Variants in KIF16B observed in about 807,000 individuals in gnomAD.
KIF16B encodes kinesin-like protein KIF16B.
In KIF16B, 98 loss-of-function variants were observed where a neutral mutation model predicts 156.3. That is an observed-to-expected ratio of 0.63 (90% CI 0.53 to 0.74). The LOEUF is 0.74. Among genes scored for constraint, KIF16B ranks in the 30% least tolerant of loss-of-function variants. KIF16B has a pLI of 0.00. For missense variants in KIF16B, 1,421 were observed against 1,606.5 expected (o/e 0.88, Z 1.97); for synonymous variants, 564 against 583.7 (o/e 0.97, Z 0.49).
intron 1 of KIF16B, among the ~76,000 whole-genome samples, chr20:16,550,458 G>T (rs1374005431): frequency 6.6e-6 from 1 of 151,106 alleles, no homozygotes; most frequent in African/African-American, 2.4e-5. Context: ...CAGGGATCTA[G>T]ATCTAGAACT....
At chr20:16,307,829 A>G (rs952205654) in intron 25 of KIF16B, among the ~76,000 whole-genome samples, 6 of 152,182 alleles carry the variant, frequency 3.9e-5, no homozygotes, top group African/African-American at 1.4e-4. Flanking sequence ...CATATGGTTC[A>G]GCTTCAGATG....
At chr20:16,282,899 C>T (rs956717044) in intron 25 of KIF16B, among the ~76,000 whole-genome samples, 1 of 152,164 alleles carries the variant, frequency 6.6e-6, no homozygotes, top group South Asian at 2.1e-4. Context: ...TCAAATGATG[C>T]TTATGATGCC....
At chr20:16,540,383 C>T (rs943941302) in intron 1 of KIF16B, among the ~76,000 whole-genome samples, 9 of 152,116 alleles carry the variant, frequency 5.9e-5, no homozygotes, top group African/African-American at 1.4e-4. Context: ...TTTGATATTC[C>T]TTCTACAGTT....
chr20:16,548,644 A>C (rs538403743), intron 1 of KIF16B, among the ~76,000 whole-genome samples: 1 of 152,340 alleles, frequency 6.6e-6, no homozygotes, highest in East Asian at 1.9e-4. Flanking sequence ...GAGTGGGCAC[A>C]TTGCAAAACC....
intron 12 of KIF16B, among the ~76,000 whole-genome samples, chr20:16,432,985 AG>A (rs1418409747): frequency 6.6e-6 from 1 of 152,206 alleles, no homozygotes; most frequent in Non-Finnish European, 1.5e-5. Flanking sequence ...GATTTACTAT[AG>A]CAAGGAATAT....
intron 12 of KIF16B, among the ~76,000 whole-genome samples, chr20:16,440,539 A>G (rs112411421): frequency 0.11 from 1,890 of 17,742 alleles, 55 homozygotes; most frequent in African/African-American, 0.32. Context: ...GCGCGCACAC[A>G]CACACACACA....
At chr20:16,361,712 C>A (rs778944481) in intron 22 of KIF16B, among the ~76,000 whole-genome samples, 1 of 152,192 alleles carries the variant, frequency 6.6e-6, no homozygotes, top group Admixed American at 6.5e-5. Context: ...CAGAAGATGG[C>A]AAACTGTTGG....
At chr20:16,527,142 A>G (rs1428988217) in intron 2 of KIF16B, among the ~76,000 whole-genome samples, 1 of 152,230 alleles carries the variant, frequency 6.6e-6, no homozygotes, top group Non-Finnish European at 1.5e-5. Flanking sequence ...ACAACTGGGT[A>G]GAAACATGAG....
In KIF16B at chr20:16,379,653, C is replaced by T. The variant is rs2065041185; in HGVS notation, c.2349G>A (p.Glu783=). 1.2e-6 allele frequency: 2 copies of T among 1,614,134 alleles called. No homozygotes were observed. Among genetic ancestry groups the T allele is most frequent in the Non-Finnish European group, 1.7e-6 (2 of 1,180,032 alleles). Residue 783 remains glutamate, a synonymous_variant, in exon 19 of 26, where the codon GAG becomes GAA. Coordinates refer to ENST00000354981, the MANE Select transcript of KIF16B (RefSeq NM_024704.5). ...QEMIQLLRRG[E]VQWVEEEKRD... is the part of the protein sequence containing the mutation. ...TCTTCTCCTCTTCCACCCACTGTACCTCCCCACGCCGCAGGAGCTGGATCA... is the reference window on the plus strand; with the variant it reads ...TCTTCTCCTCTTCCACCCACTGTACTTCCCCACGCCGCAGGAGCTGGATCA...
chr20:16,443,440 T>C (rs1373506006), intron 12 of KIF16B, among the ~76,000 whole-genome samples: 2 of 152,174 alleles, frequency 1.3e-5, no homozygotes, highest in Non-Finnish European at 2.9e-5. Flanking sequence ...TGTAAAACCA[T>C]CTGCCACTCA....
At chr20:16,518,612 C>T (rs6044053) in intron 3 of KIF16B, among the ~76,000 whole-genome samples, 36,285 of 152,050 alleles carry the variant, frequency 0.24, 4,951 homozygotes, top group East Asian at 0.36. Flanking sequence ...CTTTGGAGTT[C>T]TGAAGAACCA....
At position 16,505,853 on chromosome 20, in the gene KIF16B, G is replaced by C. The variant is rs2068758389; in HGVS notation, c.869C>G (p.Ala290Gly). The C allele has an allele frequency of 6.2e-7, 1 of 1,613,332 alleles. No individual in the cohort carries two copies. The highest frequency in any genetic ancestry group is 8.5e-7 in the Non-Finnish European group (1 of 1,179,786). Reference protein sequence around the residue: ...VTLGNVISALADLSQDAANTL... With the variant: ...VTLGNVISALGDLSQDAANTL... ...ATTTGCAGCATCCTGAGATAAATCAGCTATGAAAAGGAAGAAACAAAGGGG... is the reference window on the plus strand; with the variant it reads ...ATTTGCAGCATCCTGAGATAAATCACCTATGAAAAGGAAGAAACAAAGGGG... Residue 290 changes from alanine (A) to glycine (G), a missense_variant and splice_region_variant, in exon 9 of 26, where the codon GCT becomes GGT. Ala to Gly is a moderately conservative substitution (Grantham distance 60). Coordinates refer to ENST00000354981, the MANE Select transcript of KIF16B (RefSeq NM_024704.5).
chr20:16,480,286 C>T (rs1480633211), intron 12 of KIF16B, among the ~76,000 whole-genome samples: 2 of 152,126 alleles, frequency 1.3e-5, no homozygotes, highest in Non-Finnish European at 1.5e-5. Flanking sequence ...GCAGGGTCCT[C>T]GCACCCAAGA....
intron 15 of KIF16B, among the ~76,000 whole-genome samples, chr20:16,424,775 G>A (rs910185271): frequency 6.6e-6 from 1 of 152,086 alleles, no homozygotes; most frequent in Non-Finnish European, 1.5e-5. Flanking sequence ...GCAAGAAGAG[G>A]AGGGTCCCAG....
intron 25 of KIF16B, among the ~76,000 whole-genome samples, chr20:16,295,648 A>G (rs2063375238): frequency 6.6e-6 from 1 of 152,094 alleles, no homozygotes; most frequent in Admixed American, 6.6e-5. Flanking sequence ...TGTATTTAAA[A>G]TAATTCAATT....
intron 17 of KIF16B, among the ~76,000 whole-genome samples, chr20:16,395,096 C>T (rs1181576500): frequency 6.7e-6 from 1 of 148,916 alleles, no homozygotes; most frequent in Non-Finnish European, 1.5e-5. Context: ...AAGGGCATAC[C>T]CCTGTCATCG....
At chr20:16,524,728 T>C (rs1023870842) in intron 3 of KIF16B, among the ~76,000 whole-genome samples, 2 of 152,196 alleles carry the variant, frequency 1.3e-5, no homozygotes, top group Non-Finnish European at 1.5e-5. Context: ...CATGCACACG[T>C]ATGTTTATTG....
chr20:16,523,867 G>A (rs200669818), intron 3 of KIF16B, among the ~76,000 whole-genome samples: 6 of 151,702 alleles, frequency 4.0e-5, no homozygotes, highest in African/African-American at 1.2e-4. Flanking sequence ...AACAGAGGCC[G>A]CAGAAATGAC....
chr20:16,559,738 A>G (rs2070990322), intron 1 of KIF16B, among the ~76,000 whole-genome samples: 1 of 152,104 alleles, frequency 6.6e-6, no homozygotes, highest in Non-Finnish European at 1.5e-5. Flanking sequence ...TGATCATGCC[A>G]CTATACTCCA....
Sources: allele counts gnomAD v4.1 joint callset (sites outside exome capture counted in the v4.1 genomes callset), GRCh38; gene constraint gnomAD v4.1.1; transcripts MANE v1.5; gene names NCBI Gene and HGNC (gene_info 2026-07-23, HGNC 2026-07-21).